SHROOM3: variants seen among roughly 807,000 people sequenced by gnomAD.
SHROOM3 encodes the protein shroom family member 3, also known as protein Shroom3.
A neutral mutation model predicts 138.6 loss-of-function variants in SHROOM3; 47 were observed. The observed-to-expected ratio is 0.34, with a 90% CI of 0.27 to 0.43. SHROOM3 has a LOEUF of 0.43. Among genes scored for constraint, SHROOM3 ranks in the 20% least tolerant of loss-of-function variants. SHROOM3 has a pLI of 1.00. For missense variants in SHROOM3, 2,491 were observed against 2,596.5 expected (o/e 0.96, Z 0.88); for synonymous variants, 1,062 against 1,063.3 (o/e 1.00, Z 0.02).
Position 76,741,361 on chromosome 4 carries a change from G to T in SHROOM3, c.3188G>T (p.Arg1063Leu). The change falls in exon 5 of 11, where the codon CGC (arginine) becomes CTC (leucine). Residue 1063 changes from arginine to leucine, a missense_variant. By Grantham distance (102) the Arg-to-Leu change is moderately radical (BLOSUM62 -2). Coordinates refer to ENST00000296043, the MANE Select transcript of SHROOM3 (RefSeq NM_020859.4). This position sits in a 1 kb window ranked among gnomAD's most constrained non-coding sequence, Gnocchi z 6.2. ...GCCGACCGGCGCCGTCTCTTCGAGC[G>T]CGATGGCAAGGCCTGCTCCACGCTC... ...SVADRRRLFERDGKACSTLSL... is the reference protein window; with the variant it reads ...SVADRRRLFELDGKACSTLSL... The T allele has an allele frequency of 6.2e-7, 1 of 1,607,580 alleles. No individual in the cohort carries two copies. Among genetic ancestry groups the T allele is most frequent in the Non-Finnish European group, 8.5e-7 (1 of 1,177,776 alleles).
At chr4:76,463,261 G>A (rs1350584557) in intron 1 of SHROOM3, among the ~76,000 whole-genome samples, 2 of 152,206 alleles carry the variant, frequency 1.3e-5, no homozygotes, top group Non-Finnish European at 1.5e-5. Flanking sequence ...TGGTGGCATT[G>A]TGCCCCTGCT....
chr4:76,500,081 A>C (rs1732058588), intron 1 of SHROOM3, among the ~76,000 whole-genome samples: 1 of 152,168 alleles, frequency 6.6e-6, no homozygotes, highest in Admixed American at 6.5e-5. Flanking sequence ...CCAAACTTGA[A>C]TTCAGGTCAT....
chr4:76,618,248 T>C (rs945034513), intron 2 of SHROOM3, among the ~76,000 whole-genome samples: 1 of 152,182 alleles, frequency 6.6e-6, no homozygotes, highest in Non-Finnish European at 1.5e-5. Flanking sequence ...AAGGCTGCAG[T>C]GAGCTATGAT....
intron 2 of SHROOM3, among the ~76,000 whole-genome samples, chr4:76,592,166 A>C (rs1413325381): frequency 6.6e-6 from 1 of 152,202 alleles, no homozygotes; most frequent in African/African-American, 2.4e-5. Flanking sequence ...TTGCTGACAG[A>C]GAGAAGAGCA....
In SHROOM3 at chr4:76,494,739, G is replaced by A. The variant is rs573240481; in HGVS notation, c.168+58519G>A. Among the ~76,000 whole-genome samples, 7 of 152,258 alleles carry A rather than the reference G, an allele frequency of 4.6e-5. 1 individual carries two copies. The highest frequency in any genetic ancestry group is 1.7e-4 in the African/African-American group (7 of 41,548). On this transcript the variant is annotated intron_variant, in intron 1 of 10. Transcript: ENST00000296043. ...TATCCTGAGGGTGAGTAGTGGGAGG[G>A]ACCTTTCGTGGTACCCTCTGTGTGG...
At chr4:76,701,065 GT>G (rs1719890535) in intron 2 of SHROOM3, among the ~76,000 whole-genome samples, 1 of 152,184 alleles carries the variant, frequency 6.6e-6, no homozygotes, top group African/African-American at 2.4e-5. Context: ...GATTAGAGGC[GT>G]GAGCCACTGC....
intron 1 of SHROOM3, among the ~76,000 whole-genome samples, chr4:76,457,484 T>C (rs1731051497): frequency 6.6e-6 from 1 of 151,830 alleles, no homozygotes; most frequent in Non-Finnish European, 1.5e-5. Flanking sequence ...ACTAAACCTC[T>C]TTTCTTTATA....
intron 1 of SHROOM3, among the ~76,000 whole-genome samples, chr4:76,465,235 T>C (rs891288306): frequency 2.6e-5 from 4 of 152,242 alleles, no homozygotes; most frequent in Admixed American, 2.6e-4. Context: ...AAGTGTGCAC[T>C]TATCTAAGAA....
intron 2 of SHROOM3, among the ~76,000 whole-genome samples, chr4:76,653,826 A>C (rs1252096064): frequency 6.6e-6 from 1 of 152,068 alleles, no homozygotes; most frequent in Admixed American, 6.6e-5. Context: ...TCAGCTTCCC[A>C]AAGTGCTGGG....
At chr4:76,720,922 A>G (rs1291760565) in intron 3 of SHROOM3, among the ~76,000 whole-genome samples, 3 of 151,516 alleles carry the variant, frequency 2.0e-5, no homozygotes, top group Non-Finnish European at 4.4e-5. Flanking sequence ...CCCCCGAATT[A>G]TTTCTACAGT....
chr4:76,585,239 G>A (rs546672473), intron 2 of SHROOM3, among the ~76,000 whole-genome samples: 59 of 152,286 alleles, frequency 3.9e-4, no homozygotes, highest in African/African-American at 1.4e-3. Context: ...TCTTCTTTCT[G>A]TGCCTAAAAA....
At chr4:76,710,369 G>A (rs1720196127) in intron 3 of SHROOM3, 82 bp downstream of exon 3, 33 of 1,550,688 alleles carry the variant, frequency 2.1e-5, no homozygotes, top group South Asian at 1.7e-4. Context: ...GAGAGGAGTC[G>A]GGGGCAAGGA....
intron 1 of SHROOM3, among the ~76,000 whole-genome samples, chr4:76,441,086 G>GTTTTTTTTTTTTTTTTTTTTTT (rs374530154): frequency 1.2e-5 from 1 of 82,182 alleles, no homozygotes; most frequent in Non-Finnish European, 2.2e-5. Flanking sequence ...AGTTCAATTT[G>GTTTTTTTTTTTTTTTTTTTTTT]TTTTTTTTTT....
chr4:76,565,160 C>CAAAAAAAAAAAAAAAAAAAAAAA (rs1166896258), intron 2 of SHROOM3, among the ~76,000 whole-genome samples: 2 of 135,930 alleles, frequency 1.5e-5, no homozygotes, highest in African/African-American at 5.6e-5. Flanking sequence ...GACTCCATTT[C>CAAAAAAAAAAAAAAAAAAAAAAA]AAAAAAAAAA....
At chr4:76,451,217 T>C (rs908619276) in intron 1 of SHROOM3, among the ~76,000 whole-genome samples, 1 of 152,202 alleles carries the variant, frequency 6.6e-6, no homozygotes, top group Non-Finnish European at 1.5e-5. Context: ...CCCAAAGTGC[T>C]GGGATTACAG....
chr4:76,682,642 G>GAA (rs112434775), intron 2 of SHROOM3, among the ~76,000 whole-genome samples: 3 of 141,666 alleles, frequency 2.1e-5, no homozygotes, highest in Non-Finnish European at 4.6e-5. Flanking sequence ...AGGTAAGAAG[G>GAA]AAAAAAAAAA....
chr4:76,555,514 C>A (rs1223311110), intron 1 of SHROOM3, 95 bp from the exon 2 acceptor site: 10 of 1,574,900 alleles, frequency 6.3e-6, no homozygotes, highest in Non-Finnish European at 6.9e-6. Context: ...GTCCGTTGGG[C>A]TCTGCAGGAG....
chr4:76,771,346 C>A (rs1560624056), intron 10 of SHROOM3, among the ~76,000 whole-genome samples: 1 of 151,618 alleles, frequency 6.6e-6, no homozygotes, highest in African/African-American at 2.4e-5. Context: ...CCACTGCACT[C>A]CAGACTGGGC....
At chr4:76,753,664 C>T (rs1721705404) in intron 6 of SHROOM3, among the ~76,000 whole-genome samples, 3 of 152,220 alleles carry the variant, frequency 2.0e-5, no homozygotes, top group South Asian at 4.1e-4. Context: ...GTCTAGCGTA[C>T]AGTTGTTTAA....
Sources: allele counts gnomAD v4.1 joint callset (sites outside exome capture counted in the v4.1 genomes callset), GRCh38; gene constraint gnomAD v4.1.1; non-coding constraint Gnocchi (gnomAD v3.1); transcripts MANE v1.5; gene names NCBI Gene and HGNC (gene_info 2026-07-23, HGNC 2026-07-21).